DIAPH2: variants seen among roughly 807,000 people sequenced by gnomAD.
The protein encoded by DIAPH2 is protein diaphanous homolog 2.
Under a neutral mutation model 92.7 loss-of-function variants are expected in DIAPH2, and 35 were observed. The observed-to-expected ratio is 0.38, with a 90% confidence interval of 0.29 to 0.50. The LOEUF is 0.50. DIAPH2 is among the 20% of genes least tolerant of loss of function. The pLI is 0.94. For synonymous variants in DIAPH2, 301 were observed against 280.4 expected (o/e 1.07, Z -0.73); for missense variants, 701 against 819.5 (o/e 0.86, Z 1.77).
intron 26 of DIAPH2, among the ~76,000 whole-genome samples, chrX:97,594,907 C>A (rs1335875415): frequency 9.0e-6 from 1 of 111,422 alleles, no homozygotes; most frequent in Non-Finnish European, 1.9e-5. Context: ...GGACGCCTAA[C>A]CTTGTGGGGA....
intron 4 of DIAPH2, among the ~76,000 whole-genome samples, chrX:96,866,868 A>T (rs963473060): frequency 2.7e-5 from 3 of 112,387 alleles, no homozygotes; most frequent in Non-Finnish European, 5.6e-5. Flanking sequence ...TCTGAGAAGT[A>T]AATGACATGC....
At chrX:96,778,410 A>AT (rs763778972) in intron 4 of DIAPH2, among the ~76,000 whole-genome samples, 1 of 109,781 alleles carries the variant, frequency 9.1e-6, no homozygotes, top group Non-Finnish European at 1.9e-5. Context: ...CTCTTTTAAA[A>AT]TTTTTTTTCT....
rs1224048688 is a variant in DIAPH2, at chrX:97,600,885, A to ATGAT, written c.*1570_*1573dup. 8.9e-6 allele frequency: 1 copy of ATGAT among 112,069 alleles called. No homozygotes were observed. Among genetic ancestry groups the ATGAT allele is most frequent in the Non-Finnish European group, 1.9e-5 (1 of 53,156 alleles). The allele number at this position is 112,069 out of a possible 1,213,427, so 9.2% of individuals were successfully genotyped here. ...GATGATTCCTTTATATAGATGTATA[A>ATGAT]TGATTCAAACTGCTGCCTTTGCCTC... On this transcript the variant is annotated 3_prime_UTR_variant, in exon 27 of 27. Coordinates refer to ENST00000324765, the MANE Select transcript of DIAPH2 (RefSeq NM_006729.5).
chrX:97,598,953 G>T (rs151138306), intron 26 of DIAPH2, among the ~76,000 whole-genome samples: 1,612 of 112,039 alleles, frequency 0.014, 38 homozygotes, highest in African/African-American at 0.05. Context: ...CTTTACCAAA[G>T]AATTTTGTTG....
At chrX:97,038,222 T>C (rs1053796604) in intron 17 of DIAPH2, among the ~76,000 whole-genome samples, 8 of 110,701 alleles carry the variant, frequency 7.2e-5, no homozygotes, top group South Asian at 3.8e-4. Context: ...GTATTCCATA[T>C]ACACACACAC....
rs1436805459 is a variant in DIAPH2, at chrX:96,735,738, T to C, written c.133-20T>C. The C allele has an allele frequency of 2.0e-6, 2 of 1,016,826 alleles. No individual in the cohort carries two copies. The highest frequency in any genetic ancestry group is 1.9e-5 in the African/African-American group (1 of 51,910). The allele number at this position is 1,016,826 out of a possible 1,213,427, so 83.8% of individuals were successfully genotyped here. A position where few individuals can be genotyped will look rare whatever the true frequency, so the allele number is the denominator to read the frequency against. ...TTATCTGATGGGTTTTTTTTGTTTG[T>C]TTCTTTTTGGTTTTAATAGAACATT... On this transcript the variant is annotated intron_variant, in intron 1 of 26. Transcript: ENST00000324765.
At chrX:97,052,801 G>A (rs182702161) in intron 17 of DIAPH2, among the ~76,000 whole-genome samples, 1 of 111,278 alleles carries the variant, frequency 9.0e-6, no homozygotes, top group East Asian at 2.8e-4. Context: ...GACTATTTTA[G>A]GGCCTAGCAT....
At chrX:96,886,687 G>C (rs918794178) in intron 5 of DIAPH2, among the ~76,000 whole-genome samples, 21 of 111,314 alleles carry the variant, frequency 1.9e-4, no homozygotes, top group Non-Finnish European at 3.6e-4. Flanking sequence ...ACCTGTCCTA[G>C]GGAAAATCAT....
At chrX:97,241,602 A>T (rs1259574997) in intron 22 of DIAPH2, among the ~76,000 whole-genome samples, 1 of 109,227 alleles carries the variant, frequency 9.2e-6, no homozygotes, top group African/African-American at 3.3e-5. Context: ...CTGGCCAGTA[A>T]TGGCTAATTC....
chrX:97,072,841 G>T, intron 17 of DIAPH2, 100 bp from the exon 18 acceptor site: 1 of 453,460 alleles, frequency 2.2e-6, no homozygotes, highest in Non-Finnish European at 3.6e-6. Context: ...ATTGATTTCA[G>T]AATGAGCTTT....
intron 17 of DIAPH2, among the ~76,000 whole-genome samples, chrX:96,988,743 G>T (rs754206476): frequency 7.4e-4 from 82 of 111,502 alleles, no homozygotes; most frequent in African/African-American, 2.4e-3. Flanking sequence ...TGCTTTGTTT[G>T]ATTGGACTGT....
chrX:97,171,811 G>T (rs932250897), intron 22 of DIAPH2, among the ~76,000 whole-genome samples: 3 of 110,412 alleles, frequency 2.7e-5, no homozygotes, highest in Non-Finnish European at 5.7e-5. Context: ...GTTGGGGCGG[G>T]CGCCTGTAGT....
chrX:97,365,071 C>T (rs1193149826), intron 24 of DIAPH2, among the ~76,000 whole-genome samples: 1 of 111,026 alleles, frequency 9.0e-6, no homozygotes, highest in Non-Finnish European at 1.9e-5. Context: ...TCTTTTCCCT[C>T]GCTATTTACA....
intron 22 of DIAPH2, among the ~76,000 whole-genome samples, chrX:97,147,310 C>T (rs1049676877): frequency 5.0e-5 from 4 of 80,044 alleles, no homozygotes; most frequent in African/African-American, 1.6e-4. Flanking sequence ...GCCTTTAAAA[C>T]ATTGAATTTT....
At chrX:96,955,942 G>A (rs994916805) in intron 15 of DIAPH2, among the ~76,000 whole-genome samples, 3 of 112,386 alleles carry the variant, frequency 2.7e-5, no homozygotes, top group Non-Finnish European at 3.8e-5. Flanking sequence ...CTGGGGTCTG[G>A]AGGATGGTGG....
At chrX:97,072,243 C>T (rs2147911525) in intron 17 of DIAPH2, among the ~76,000 whole-genome samples, 1 of 112,122 alleles carries the variant, frequency 8.9e-6, no homozygotes, top group Non-Finnish European at 1.9e-5. Context: ...ACTGCTACTC[C>T]TTACCCTTTC....
At chrX:97,145,660 T>C (rs1161933511) in intron 22 of DIAPH2, among the ~76,000 whole-genome samples, 1 of 110,501 alleles carries the variant, frequency 9.0e-6, no homozygotes, top group Admixed American at 9.7e-5. Context: ...TTGCCAAAAA[T>C]CCTCTTCTTA....
Position 96,803,471 on chromosome X carries a change from TAAAG to T in DIAPH2, c.447+45216_447+45219del, listed in dbSNP as rs1264989717. 1.8e-5 allele frequency among the ~76,000 whole-genome samples: 2 copies of T among 111,681 alleles called. 1 individual carries two copies. Among genetic ancestry groups the T allele is most frequent in the Admixed American group, 1.9e-4 (2 of 10,519 alleles). ...TAACTAGCCTTTAATCTTAAAATGA[TAAAG>T]AATCTCCACAGCGTATATTATGTAA... On this transcript the variant is annotated intron_variant, in intron 4 of 26. Transcript: ENST00000324765.
intron 5 of DIAPH2, among the ~76,000 whole-genome samples, chrX:96,907,310 T>A (rs1469257958): frequency 8.9e-6 from 1 of 112,337 alleles, no homozygotes; most frequent in Admixed American, 9.4e-5. Context: ...ACTTTACTTA[T>A]CCTATCTAAA....
Sources: allele counts gnomAD v4.1 joint callset (sites outside exome capture counted in the v4.1 genomes callset), GRCh38; gene constraint gnomAD v4.1.1; transcripts MANE v1.5; gene names NCBI Gene and HGNC (gene_info 2026-07-23, HGNC 2026-07-21).